The following HIVEP3 variants were observed in gnomAD, a reference collection of about 807,000 sequenced individuals.
HIVEP3 encodes transcription factor HIVEP3.
In HIVEP3, 49 loss-of-function variants were observed where a neutral mutation model predicts 152.8. The observed-to-expected ratio is 0.32, with a 90% CI of 0.26 to 0.41. The LOEUF (loss-of-function observed/expected upper bound fraction) is 0.41. Among genes scored for constraint, HIVEP3 ranks in the 10% least tolerant of loss-of-function variants. HIVEP3 has a pLI of 1.00. For missense variants in HIVEP3, 2,790 were observed against 3,103.3 expected (o/e 0.90, Z 2.40); for synonymous variants, 1,269 against 1,289.0 (o/e 0.98, Z 0.33).
At chr1:41,940,842 C>T (rs866193816) in intron 1 of HIVEP3, among the ~76,000 whole-genome samples, 2 of 149,188 alleles carry the variant, frequency 1.3e-5, no homozygotes, top group Middle Eastern at 3.4e-3. Context: ...CTGGTAAAGA[C>T]AGAGGAGAGA....
chr1:41,622,251 A>G (rs1029801925), intron 3 of HIVEP3, among the ~76,000 whole-genome samples: 2 of 152,228 alleles, frequency 1.3e-5, no homozygotes, highest in South Asian at 2.1e-4. Context: ...AGAAATAAAG[A>G]CAGGGTACCA....
intron 1 of HIVEP3, among the ~76,000 whole-genome samples, chr1:41,815,996 G>A (rs918685139): frequency 6.6e-6 from 1 of 152,054 alleles, no homozygotes; most frequent in Non-Finnish European, 1.5e-5. Context: ...TCACCTGTTG[G>A]TTCTGGAGTA....
At chr1:41,622,489 C>A (rs1462233830) in intron 3 of HIVEP3, among the ~76,000 whole-genome samples, 1 of 152,174 alleles carries the variant, frequency 6.6e-6, no homozygotes, top group Non-Finnish European at 1.5e-5. Context: ...GTTGGCAAAT[C>A]CAGCCGGCTG....
intron 1 of HIVEP3, among the ~76,000 whole-genome samples, chr1:41,885,345 G>A (rs1275773954): frequency 2.6e-5 from 4 of 151,960 alleles, no homozygotes; most frequent in Non-Finnish European, 1.5e-5. Flanking sequence ...TTCAAAGCAG[G>A]CCACTGTACT....
At chr1:41,969,863 CA>C (rs1645219673) in intron 1 of HIVEP3, among the ~76,000 whole-genome samples, 1 of 151,622 alleles carries the variant, frequency 6.6e-6, no homozygotes, top group African/African-American at 2.4e-5. Context: ...AATTTACAAG[CA>C]AAAAACAACC....
chr1:41,985,494 G>A (rs1016519387), intron 1 of HIVEP3, among the ~76,000 whole-genome samples: 2 of 152,220 alleles, frequency 1.3e-5, no homozygotes, highest in Non-Finnish European at 1.5e-5. Flanking sequence ...ACATGCCAGA[G>A]AGAGAGGAAG....
At chr1:41,731,055 G>A (rs1646831999) in intron 1 of HIVEP3, among the ~76,000 whole-genome samples, 1 of 152,176 alleles carries the variant, frequency 6.6e-6, no homozygotes, top group African/African-American at 2.4e-5. Context: ...AGTGCCTCTA[G>A]GGACAAGGAA....
chr1:41,854,514 G>A (rs967441143), intron 1 of HIVEP3, among the ~76,000 whole-genome samples: 3 of 127,346 alleles, frequency 2.4e-5, no homozygotes, highest in African/African-American at 9.9e-5. Context: ...TATTCTTGCT[G>A]CACTTTTTTT....
intron 1 of HIVEP3, among the ~76,000 whole-genome samples, chr1:41,815,024 G>C (rs1651181707): frequency 6.6e-6 from 1 of 152,202 alleles, no homozygotes. Context: ...CAGTAAATAA[G>C]TAAATAAATA....
chr1:41,661,670 T>C (rs1048509416), intron 2 of HIVEP3, among the ~76,000 whole-genome samples: 1 of 152,174 alleles, frequency 6.6e-6, no homozygotes, highest in Non-Finnish European at 1.5e-5. Context: ...CTGCATGGCC[T>C]TGGGGGAAGC....
chr1:41,597,473 C>A (rs2149121133), intron 3 of HIVEP3, among the ~76,000 whole-genome samples: 2 of 152,314 alleles, frequency 1.3e-5, no homozygotes, highest in South Asian at 4.1e-4. Flanking sequence ...CAGGGCTGTT[C>A]TTAGTATGTT....
intron 1 of HIVEP3, among the ~76,000 whole-genome samples, chr1:41,781,286 C>T (rs1369365757): frequency 6.6e-6 from 1 of 152,184 alleles, no homozygotes; most frequent in Admixed American, 6.5e-5. Context: ...ATGTACAATG[C>T]TGTCCATGTT....
chr1:41,860,675 ATTT>A (rs1257970361), intron 1 of HIVEP3, among the ~76,000 whole-genome samples: 1 of 152,102 alleles, frequency 6.6e-6, no homozygotes, highest in African/African-American at 2.4e-5. Context: ...GACCTTCTAC[ATTT>A]TCACTAAGGG....
chr1:41,658,051 G>A (rs1645655707), intron 2 of HIVEP3, among the ~76,000 whole-genome samples: 1 of 152,202 alleles, frequency 6.6e-6, no homozygotes, highest in Admixed American at 6.5e-5. Context: ...GCCCTCAGGT[G>A]ACAGCACCTG....
intron 6 of HIVEP3, among the ~76,000 whole-genome samples, chr1:41,521,300 T>C (rs1189088983): frequency 6.6e-6 from 1 of 152,200 alleles, no homozygotes; most frequent in African/African-American, 2.4e-5. Flanking sequence ...ATGCTGGGTG[T>C]GGAGGAAGAG....
rs573856498 is a variant in HIVEP3, at chr1:41,786,418, C to T, written c.-800-85423G>A. On this transcript the variant is annotated intron_variant, in intron 1 of 8. Transcript: ENST00000372583. ...CTAGCCCTGAGGCTGCTCATCTCTTCCTCATCACTTCTGATTTTACAGTCC... is the reference window on the plus strand; with the variant it reads ...CTAGCCCTGAGGCTGCTCATCTCTTTCTCATCACTTCTGATTTTACAGTCC... 7.2e-5 allele frequency among the ~76,000 whole-genome samples: 11 copies of T among 152,340 alleles called. No homozygotes were observed. In the South Asian group the frequency reaches 2.3e-3, roughly 32 times the overall value.
At chr1:41,647,579 C>T (rs576419558) in intron 2 of HIVEP3, among the ~76,000 whole-genome samples, 2 of 152,332 alleles carry the variant, frequency 1.3e-5, no homozygotes, top group East Asian at 3.9e-4. Context: ...CCAGTGGGTT[C>T]TAAGTTGGAG....
At chr1:41,655,145 G>C (rs2124027818) in intron 2 of HIVEP3, among the ~76,000 whole-genome samples, 1 of 152,196 alleles carries the variant, frequency 6.6e-6, no homozygotes. Flanking sequence ...GACCCTTCCA[G>C]CTTCAAATGA....
intron 1 of HIVEP3, among the ~76,000 whole-genome samples, chr1:41,996,811 C>G (rs1300307050): frequency 6.6e-6 from 1 of 152,210 alleles, no homozygotes; most frequent in Non-Finnish European, 1.5e-5. Context: ...GTGAGCAGAG[C>G]TGCATTCCTT....
Sources: allele counts gnomAD v4.1 joint callset (sites outside exome capture counted in the v4.1 genomes callset), GRCh38; gene constraint gnomAD v4.1.1; transcripts MANE v1.5; gene names NCBI Gene and HGNC (gene_info 2026-07-23, HGNC 2026-07-21).